NR1H2: variants seen among roughly 807,000 people sequenced by gnomAD.
The protein encoded by NR1H2 is oxysterols receptor LXR-beta.
Under a neutral mutation model 51.2 loss-of-function variants are expected in NR1H2, and 33 were observed. That is an observed-to-expected ratio of 0.64 (90% CI 0.49 to 0.86). NR1H2 has a LOEUF of 0.86. Ranked by LOEUF, NR1H2 falls within the 40% of genes least tolerant of loss-of-function variation. The probability of loss-of-function intolerance (pLI) is 0.00; values close to 1 mark genes in which losing one functional copy is unlikely to be tolerated. For missense variants in NR1H2, 592 were observed against 639.9 expected (o/e 0.93, Z 0.81); for synonymous variants, 310 against 264.3 (o/e 1.17, Z -1.68).
chr19:50,379,654 A>G, intron 7 of NR1H2, 126 bp from the exon 8 acceptor site: 1 of 679,052 alleles, frequency 1.5e-6, no homozygotes, highest in Non-Finnish European at 2.7e-6. Context: ...TGTGGCTGAG[A>G]GAACAGGGGG....
intron 2 of NR1H2, chr19:50,377,283 G>A (rs2123642190): frequency 2.8e-6 from 1 of 352,618 alleles, no homozygotes; most frequent in Non-Finnish European, 5.1e-6. Context: ...AGGCCGTGAA[G>A]GCAGAGCATG....
Position 50,378,724 on chromosome 19 carries a change from AATG to A in NR1H2, c.678_680del (p.Met226del). Reference sequence around the variant, plus strand: ...TCCAGCTAACAGCGGCTCAAGAACTAATGATCCAGCAGTTGGTGGCGGCCCAAC... The same window carrying A: ...TCCAGCTAACAGCGGCTCAAGAACTAATCCAGCAGTTGGTGGCGGCCCAAC... On this transcript the variant is annotated inframe_deletion, in exon 6 of 10. Coordinates refer to ENST00000253727, the MANE Select transcript of NR1H2 (RefSeq NM_007121.7). 1 of 1,613,810 alleles carries A rather than the reference AATG, an allele frequency of 6.2e-7. No individual in the cohort carries two copies. Among genetic ancestry groups the A allele is most frequent in the Non-Finnish European group, 8.5e-7 (1 of 1,180,016 alleles).
At chr19:50,378,096 T>C in intron 4 of NR1H2, 53 bp from the exon 5 acceptor site, 1 of 1,553,664 alleles carries the variant, frequency 6.4e-7, no homozygotes, top group Non-Finnish European at 8.7e-7. Context: ...CCCATCTCTC[T>C]GGTTCCTGTT....
Position 50,382,128 on chromosome 19 carries a change from C to T in NR1H2, c.1190C>T (p.Pro397Leu), listed in dbSNP as rs1463988754. 2.6e-6 allele frequency: 4 copies of T among 1,543,642 alleles called. No individual in the cohort carries two copies. Among genetic ancestry groups the T allele is most frequent in the Admixed American group, 3.9e-5 (2 of 50,952 alleles). Residue 397 changes from proline (P) to leucine (L), a missense_variant, in exon 9 of 10, where the codon CCC (proline) becomes CTC (leucine). Physicochemically the swap from Pro to Leu is moderately conservative, Grantham distance 98. Transcript: ENST00000253727. ...EPGRVEALQQ[P>L]YVEALLSYTR... Reference sequence around the variant, plus strand: ...GGCCGCGTGGAGGCGTTGCAGCAGCCCTACGTGGAGGCGCTGCTGTCCTAC... The same window carrying T: ...GGCCGCGTGGAGGCGTTGCAGCAGCTCTACGTGGAGGCGCTGCTGTCCTAC...
At position 50,379,804 on chromosome 19, in the gene NR1H2, C is replaced by T. The variant is rs1568595480; in HGVS notation, c.952C>T (p.Arg318Cys). ...GATCATGCTGCTAGAGACAGCCAGGCGCTACAACCACGAGACAGAGTGTAT... is the reference window on the plus strand; with the variant it reads ...GATCATGCTGCTAGAGACAGCCAGGTGCTACAACCACGAGACAGAGTGTAT... The part of the protein sequence containing the change: ...IEIMLLETAR[R>C]YNHETECITF... Residue 318 changes from arginine to cysteine, a missense_variant, in exon 8 of 10, where the codon CGC becomes TGC. Coordinates refer to ENST00000253727, the MANE Select transcript of NR1H2 (RefSeq NM_007121.7). 3.7e-6 allele frequency: 6 copies of T among 1,613,676 alleles called. No individual in the cohort carries two copies. The highest frequency in any genetic ancestry group is 2.7e-5 in the African/African-American group (2 of 74,912).
Position 50,382,447 on chromosome 19 carries a change from C to T in NR1H2, c.1237-9C>T, listed in dbSNP as rs1285222239. ...GGCTCAGCCAGCGCCCACCTGCCTC[C>T]TCCCTCAGGACCAGCTGCGCTTCCC... On this transcript the variant is annotated splice_polypyrimidine_tract_variant and intron_variant, in intron 9 of 9. Transcript: ENST00000253727. 2 of 1,585,090 alleles carry T rather than the reference C, an allele frequency of 1.3e-6. No homozygotes were observed. Among genetic ancestry groups the T allele is most frequent in the East Asian group, 2.3e-5 (1 of 43,836 alleles).
rs947649076 is a variant in NR1H2 at position 50,382,045 on chromosome 19, C to T, written c.1107C>T (p.Tyr369=). Residue 369 remains tyrosine (Y), a synonymous_variant, in exon 9 of 10, where the codon TAC becomes TAT. Coordinates refer to ENST00000253727, the MANE Select transcript of NR1H2 (RefSeq NM_007121.7). Reference sequence around the variant, plus strand: ...GGCTGGGCCTGGACGACGCTGAGTACGCCCTGCTCATCGCCATCAACATCT... The same window carrying T: ...GGCTGGGCCTGGACGACGCTGAGTATGCCCTGCTCATCGCCATCAACATCT... ...MRRLGLDDAE[Y]ALLIAINIFS... is the part of the protein sequence containing the mutation. 2.9e-5 allele frequency: 46 copies of T among 1,562,000 alleles called. 1 individual carries two copies. The highest frequency in any genetic ancestry group is 3.5e-5 in the Non-Finnish European group (40 of 1,153,092).
At position 50,378,745 on chromosome 19, in the gene NR1H2, G is replaced by A. The variant is rs368562226; in HGVS notation, c.696G>A (p.Ala232=). 1.1e-5 allele frequency: 17 copies of A among 1,613,674 alleles called. No individual in the cohort carries two copies. Among genetic ancestry groups the A allele is most frequent in the African/African-American group, 1.3e-5 (1 of 74,918 alleles). Residue 232 remains alanine (A), a synonymous_variant, in exon 6 of 10, where the codon GCG becomes GCA. Coordinates refer to ENST00000253727, the MANE Select transcript of NR1H2 (RefSeq NM_007121.7). The part of the protein sequence containing the change: ...AQELMIQQLV[A]AQLQCNKRSF... ...AACTAATGATCCAGCAGTTGGTGGC[G>A]GCCCAACTGCAGTGCAACAAACGCT... is the stretch of plus-strand genomic sequence containing the variant.
At chr19:50,380,456 A>G (rs138030292) in intron 8 of NR1H2, among the ~76,000 whole-genome samples, 4 of 152,116 alleles carry the variant, frequency 2.6e-5, no homozygotes, top group African/African-American at 9.7e-5. Flanking sequence ...ACTGCCTAGG[A>G]AAAGGGTGGG....
chr19:50,378,089 A>G, intron 4 of NR1H2, 60 bp from the exon 5 acceptor site: 6 of 1,537,810 alleles, frequency 3.9e-6, no homozygotes, highest in Non-Finnish European at 5.3e-6. Context: ...CTGTGGGCCC[A>G]TCTCTCTGGT....
rs1438093824 is a variant in NR1H2 at position 50,383,363 on chromosome 19, C to G, written c.*761C>G. Reference sequence around the variant, plus strand: ...GCCATTCTAGAGATGGAGACATTCACCCAATAAATGTTTCCAGAGCATTAA... The same window carrying G: ...GCCATTCTAGAGATGGAGACATTCAGCCAATAAATGTTTCCAGAGCATTAA... On this transcript the variant is annotated 3_prime_UTR_variant, in exon 10 of 10. Transcript: ENST00000253727. Among the ~76,000 whole-genome samples the G allele has an allele frequency of 1.3e-5, 2 of 152,228 alleles. No individual in the cohort carries two copies.
intron 8 of NR1H2, among the ~76,000 whole-genome samples, 157 bp downstream of exon 8, chr19:50,380,036 TGTG>T (rs2037740805): frequency 6.6e-6 from 1 of 152,234 alleles, no homozygotes; most frequent in Admixed American, 6.5e-5. Flanking sequence ...ATGTGCCACG[TGTG>T]GTGGTGCACG....
Position 50,376,577 on chromosome 19 carries a change from G to C in NR1H2, c.-128+1G>C, listed in dbSNP as rs1036848209. On this transcript the variant is annotated splice_donor_variant, in intron 1 of 9. Coordinates refer to ENST00000253727, the MANE Select transcript of NR1H2 (RefSeq NM_007121.7). LOFTEE classifies it low-confidence loss of function (5UTR_SPLICE). ...AGAAAAGCAGAGCAAGGGAACCCAG[G>C]TAGGTGCACCCGAGAGTGGGGAGAC... is the stretch of plus-strand genomic sequence containing the variant. 1 of 152,334 alleles carries C rather than the reference G, an allele frequency of 6.6e-6. No individual in the cohort carries two copies. Among genetic ancestry groups the C allele is most frequent in the Non-Finnish European group, 1.5e-5 (1 of 68,098 alleles). 9.4% of individuals were successfully genotyped at this position (152,334 alleles called of 1,614,324 possible).
chr19:50,377,484 T>C (rs2695121), intron 2 of NR1H2, 103 bp from the exon 3 acceptor site: 553,381 of 885,204 alleles, frequency 0.63, 178,741 homozygotes, highest in African/African-American at 0.93. Context: ...AGTAGGGTCT[T>C]TGGAGAGATG....
Position 50,382,681 on chromosome 19 carries a change from G to T in NR1H2, c.*79G>T, listed in dbSNP as rs1329925270. 7.0e-7 allele frequency: 1 copy of T among 1,426,944 alleles called. No homozygotes were observed. The highest frequency in any genetic ancestry group is 9.4e-7 in the Non-Finnish European group (1 of 1,068,174). The allele number at this position is 1,426,944 out of a possible 1,614,324, so 88.4% of individuals were successfully genotyped here. ...CGCCGGCACCCCTTCCTCTTCCTAG[G>T]GTGGAAGGGGCCCTGGGCCGAGCCT... On this transcript the variant is annotated 3_prime_UTR_variant, in exon 10 of 10. Transcript: ENST00000253727.
At chr19:50,380,303 C>T (rs1474714367) in intron 8 of NR1H2, among the ~76,000 whole-genome samples, 1 of 152,188 alleles carries the variant, frequency 6.6e-6, no homozygotes, top group Non-Finnish European at 1.5e-5. Context: ...AACGTGGTCT[C>T]ACCCAAGGGA....
chr19:50,378,203 C>G lies in NR1H2; in HGVS notation c.236C>G (p.Pro79Arg), dbSNP rs200227817. ...CGCAAGCGAAAGAAGGGCCCAGCCC[C>G]GAAGATGCTGGGCCACGAGCTTTGC... is the stretch of plus-strand genomic sequence containing the variant. ...PERKRKKGPA[P>R]KMLGHELCRV... The change falls in exon 5 of 10, where the codon CCG becomes CGG. Residue 79 changes from proline to arginine, a missense_variant. By Grantham distance (103) the Pro-to-Arg change is moderately radical. Transcript: ENST00000253727. The G allele has an allele frequency of 2.5e-6, 4 of 1,613,438 alleles. No individual in the cohort carries two copies. Among genetic ancestry groups the G allele is most frequent in the Middle Eastern group, 1.6e-4 (1 of 6,082 alleles).
chr19:50,381,074 T>C (rs201672603), intron 8 of NR1H2, among the ~76,000 whole-genome samples: 2 of 151,810 alleles, frequency 1.3e-5, no homozygotes, highest in African/African-American at 4.8e-5. Context: ...TCTCACCCTC[T>C]CCCCCTGTTC....
At position 50,378,410 on chromosome 19, in the gene NR1H2, A is replaced by C; in HGVS notation, c.443A>C (p.Lys148Thr). 6.2e-7 allele frequency: 1 copy of C among 1,603,746 alleles called. No homozygotes were observed. The highest frequency in any genetic ancestry group is 8.5e-7 in the Non-Finnish European group (1 of 1,172,334). ...AAGTGCCAGCAGTGCCGGCTGCGCA[A>C]GTGCAAGGAGGCAGGGATGAGGGAG... ...RRKCQQCRLR[K>T]CKEAGMREQC... The change falls in exon 5 of 10, where the codon AAG becomes ACG. Residue 148 changes from lysine to threonine, a missense_variant. Physicochemically the swap from Lys to Thr is moderately conservative, Grantham distance 78. Transcript: ENST00000253727.
Sources: gnomAD v4.1 joint callset for allele counts (sites outside exome capture counted in the v4.1 genomes callset) on GRCh38, gnomAD v4.1.1 for gene constraint, MANE v1.5 for transcripts, NCBI Gene and HGNC (gene_info 2026-07-23, HGNC 2026-07-21) for gene names.